The following PBX1 variants were observed in gnomAD, a reference collection of about 807,000 sequenced individuals.
The protein encoded by PBX1 is pre-B-cell leukemia transcription factor 1.
In PBX1, 6 loss-of-function variants were observed where a neutral mutation model predicts 53.4. The ratio of observed to expected loss-of-function variants is 0.11; its 90% confidence interval spans 0.06 to 0.22. The LOEUF (loss-of-function observed/expected upper bound fraction) is 0.22. Ranked by LOEUF, PBX1 falls within the 10% of genes least tolerant of loss-of-function variation. PBX1 has a pLI of 1.00. For missense variants in PBX1, 251 were observed against 551.4 expected, an observed-to-expected ratio of 0.46 and a Z score of 5.46; for synonymous variants, 204 against 212.3, an observed-to-expected ratio of 0.96 and a Z score of 0.34.
chr1:164,818,315 T>G (rs1227562822), intron 6 of PBX1: 1 of 152,170 alleles, frequency 6.6e-6, no homozygotes, highest in Non-Finnish European at 1.5e-5. Context: ...AAAGGCTTTG[T>G]CCCACTGACT....
chr1:164,855,946 C>G (rs577262212), downstream of PBX1, among the ~76,000 whole-genome samples: 2 of 152,226 alleles, frequency 1.3e-5, no homozygotes, highest in Non-Finnish European at 2.9e-5. Context: ...CCCGCCTCCC[C>G]CTTGGTATTC....
chr1:164,570,212 CT>C (rs1270864980), intron 2 of PBX1, among the ~76,000 whole-genome samples: 1 of 152,056 alleles, frequency 6.6e-6, no homozygotes, highest in African/African-American at 2.4e-5. Context: ...CTTTTTCTTT[CT>C]TTTTTTAAAT....
At chr1:164,884,634 A>T (rs1260747495) in intron 2 of PBX1, 1 of 462,762 alleles carries the variant, frequency 2.2e-6, no homozygotes, top group Non-Finnish European at 4.2e-6. Flanking sequence ...CCTATCTGAA[A>T]AGTGGCCTCT....
chr1:164,650,837 G>T (rs1183011712), intron 2 of PBX1, among the ~76,000 whole-genome samples: 1 of 151,886 alleles, frequency 6.6e-6, no homozygotes, highest in Non-Finnish European at 1.5e-5. Context: ...AAGCGTGCAG[G>T]AAGTAGCATT....
At chr1:164,823,962 CAT>C (rs904326300) in intron 8 of PBX1, among the ~76,000 whole-genome samples, 17 of 152,030 alleles carry the variant, frequency 1.1e-4, no homozygotes, top group Non-Finnish European at 1.9e-4. Context: ...GATGCTAAGA[CAT>C]GTGTGTATAG....
At chr1:164,694,888 C>T (rs1413518254) in intron 2 of PBX1, among the ~76,000 whole-genome samples, 1 of 152,234 alleles carries the variant, frequency 6.6e-6, no homozygotes, top group East Asian at 1.9e-4. Context: ...TTCACCCATT[C>T]AGCAGTATTG....
At position 164,848,585 on chromosome 1, in the gene PBX1, G is replaced by A; in HGVS notation, c.*1909G>A. The A allele has an allele frequency of 9.4e-7, 1 of 1,058,790 alleles. No individual in the cohort carries two copies. The highest frequency in any genetic ancestry group is 1.1e-6 in the Non-Finnish European group (1 of 875,254). 65.6% of individuals were successfully genotyped at this position (1,058,790 alleles called of 1,614,324 possible). ...GATGACAAAGAGAAGAGTTATTGTT[G>A]ATCTTCTTGGTTTTGGTCTGTCTCT... On this transcript the variant is annotated 3_prime_UTR_variant, in exon 9 of 9. Transcript: ENST00000420696.
chr1:164,834,488 C>T (rs987413037), intron 8 of PBX1, among the ~76,000 whole-genome samples: 1 of 151,912 alleles, frequency 6.6e-6, no homozygotes, highest in African/African-American at 2.4e-5. Context: ...GGATTACAGG[C>T]ATGCCCCACC....
intron 2 of PBX1, among the ~76,000 whole-genome samples, chr1:164,876,644 A>T (rs1672518570): frequency 6.6e-6 from 1 of 152,066 alleles, no homozygotes; most frequent in Non-Finnish European, 1.5e-5. Context: ...CCAGGCCAGC[A>T]CATTAAGGTA....
intron 2 of PBX1, among the ~76,000 whole-genome samples, chr1:164,876,414 G>A (rs1028692495): frequency 6.7e-6 from 1 of 150,054 alleles, no homozygotes; most frequent in Admixed American, 6.6e-5. Context: ...AATTAGCAGA[G>A]GAGAGGGATT....
intron 2 of PBX1, among the ~76,000 whole-genome samples, chr1:164,742,601 A>C (rs978635537): frequency 6.6e-6 from 1 of 152,162 alleles, no homozygotes; most frequent in Non-Finnish European, 1.5e-5. Flanking sequence ...TTAAACCAAA[A>C]AGTAAGTACA....
chr1:164,800,285 C>G (rs1327180279), intron 4 of PBX1, among the ~76,000 whole-genome samples: 1 of 152,128 alleles, frequency 6.6e-6, no homozygotes, highest in Non-Finnish European at 1.5e-5. Context: ...AAATTGGGAT[C>G]TTTTCCACAC....
intron 3 of PBX1, among the ~76,000 whole-genome samples, chr1:164,793,504 T>C (rs1387279514): frequency 6.6e-6 from 1 of 152,042 alleles, no homozygotes; most frequent in Non-Finnish European, 1.5e-5. Flanking sequence ...AAAACTTATA[T>C]AAAGGAAAGG....
At position 164,820,072 on chromosome 1, in the gene PBX1, G is replaced by A. The variant is rs1175974386; in HGVS notation, c.998G>A (p.Gly333Asp). ...AGGTGCCTCACTCTTTCCTTTCCAG[G>A]TTCTTCCAGTTCTTTTAACATGTCA... The part of the protein sequence containing the change: ...ANSPSTPNSA[G>D]SSSSFNMSNS... The change falls in exon 7 of 9, where the codon GGT (glycine) becomes GAT (aspartate). Residue 333 changes from glycine (G) to aspartate (D), a missense_variant and splice_region_variant. Coordinates refer to ENST00000420696, the MANE Select transcript of PBX1 (RefSeq NM_002585.4). 1 of 1,596,186 alleles carries A rather than the reference G, an allele frequency of 6.3e-7. No individual in the cohort carries two copies. The highest frequency in any genetic ancestry group is 2.2e-5 in the East Asian group (1 of 44,664).
chr1:164,603,929 A>AT lies in PBX1; in HGVS notation c.265+40651dup, dbSNP rs71583414. Among the ~76,000 whole-genome samples the AT allele has an allele frequency of 5.9e-3, 443 of 75,720 alleles. 103 individuals are homozygous for AT. Among genetic ancestry groups the AT allele is most frequent in the African/African-American group, 0.026 (426 of 16,178 alleles). The allele number at this position is 75,720 out of a possible 152,430, so 49.7% of individuals were successfully genotyped here. A position where few individuals can be genotyped will look rare whatever the true frequency, so the allele number is the denominator to read the frequency against. On this transcript the variant is annotated intron_variant, in intron 2 of 8. Coordinates refer to ENST00000420696, the MANE Select transcript of PBX1 (RefSeq NM_002585.4). ...GACACTCTGTACATTATGTCATTTC[A>AT]TTTTTTTTTTTTTTTTTTTTTTTTT...
intron 8 of PBX1, among the ~76,000 whole-genome samples, chr1:164,842,390 G>C (rs1408007233): frequency 6.6e-6 from 1 of 152,144 alleles, no homozygotes; most frequent in Non-Finnish European, 1.5e-5. Flanking sequence ...GCAAAATTTG[G>C]TGTATATCAA....
intron 2 of PBX1, among the ~76,000 whole-genome samples, chr1:164,715,859 AC>A (rs1430537644): frequency 6.6e-6 from 1 of 152,180 alleles, no homozygotes; most frequent in Non-Finnish European, 1.5e-5. Flanking sequence ...TATAACTCGC[AC>A]TGGCCAGGAC....
intron 2 of PBX1, among the ~76,000 whole-genome samples, chr1:164,658,663 CT>C (rs1187597967): frequency 6.6e-6 from 1 of 152,124 alleles, no homozygotes; most frequent in African/African-American, 2.4e-5. Flanking sequence ...TGAGGTTGGT[CT>C]TTATGACCTT....
chr1:164,576,530 G>A (rs1654252929), intron 2 of PBX1, among the ~76,000 whole-genome samples: 1 of 152,220 alleles, frequency 6.6e-6, no homozygotes, highest in African/African-American at 2.4e-5. Context: ...GTCACCGGCC[G>A]CCAGCGCGCG....
Sources: gnomAD v4.1 joint callset for allele counts (sites outside exome capture counted in the v4.1 genomes callset) on GRCh38, gnomAD v4.1.1 for gene constraint, MANE v1.5 for transcripts, NCBI Gene and HGNC (gene_info 2026-07-23, HGNC 2026-07-21) for gene names.